The following BTBD9 variants were observed in gnomAD, a reference collection of about 807,000 sequenced individuals.
The protein encoded by BTBD9 is BTB/POZ domain-containing protein 9.
BTBD9 carries 49 observed loss-of-function variants against 64.3 expected under a neutral mutation model. The ratio of observed to expected loss-of-function variants is 0.76; its 90% CI spans 0.61 to 0.97. BTBD9 has a LOEUF of 0.97. Ranked by LOEUF, BTBD9 falls within the 50% of genes least tolerant of loss-of-function variation. The pLI is 0.00. For missense variants in BTBD9, 598 were observed against 762.1 expected (o/e 0.78, Z 2.53); for synonymous variants, 260 against 274.7 (o/e 0.95, Z 0.53).
At chr6:38,599,818 A>C (rs1582699554) in intron 1 of BTBD9, among the ~76,000 whole-genome samples, 1 of 152,194 alleles carries the variant, frequency 6.6e-6, no homozygotes, top group Non-Finnish European at 1.5e-5. Context: ...CCATATGCCC[A>C]CCCTCAAAAG....
intron 9 of BTBD9, among the ~76,000 whole-genome samples, chr6:38,197,072 C>T (rs1237262622): frequency 1.3e-5 from 2 of 152,188 alleles, no homozygotes; most frequent in Admixed American, 6.5e-5. Context: ...ACATGGTAGG[C>T]GGTCTGTTAA....
At chr6:38,290,911 G>A (rs1761932840) in intron 7 of BTBD9, among the ~76,000 whole-genome samples, 1 of 152,110 alleles carries the variant, frequency 6.6e-6, no homozygotes, top group Non-Finnish European at 1.5e-5. Flanking sequence ...GTACATCTGG[G>A]TCATCTGTTT....
At chr6:38,241,727 A>G (rs895828538) in intron 9 of BTBD9, among the ~76,000 whole-genome samples, 2 of 152,198 alleles carry the variant, frequency 1.3e-5, no homozygotes, top group African/African-American at 4.8e-5. Context: ...ATTTCAAGGG[A>G]TGGTGAAAAG....
At chr6:38,293,974 G>GA (rs1232076763) in intron 7 of BTBD9, among the ~76,000 whole-genome samples, 3 of 150,980 alleles carry the variant, frequency 2.0e-5, no homozygotes, top group African/African-American at 4.9e-5. Context: ...AAATTTACAA[G>GA]AAAAAAAACA....
In BTBD9 at chr6:38,527,937, A is replaced by G. The variant is rs570172853; in HGVS notation, c.1154+49663T>C. Among the ~76,000 whole-genome samples the G allele has an allele frequency of 2.6e-5, 4 of 152,164 alleles. No homozygotes were observed. In the South Asian group the frequency reaches 8.3e-4, roughly 32 times the overall value. The stretch of plus-strand genomic sequence containing the variant: ...CCAAATTTAACAACTATCCACATAA[A>G]AAAAGCCCCTTCATAAGAATGAAGA... On this transcript the variant is annotated intron_variant, in intron 6 of 10. Transcript: ENST00000481247.
chr6:38,434,752 A>G (rs1392701340), intron 6 of BTBD9, among the ~76,000 whole-genome samples: 2 of 152,042 alleles, frequency 1.3e-5, no homozygotes, highest in African/African-American at 2.4e-5. Flanking sequence ...TCTATCATGC[A>G]GGAAATTTGT....
chr6:38,311,610 C>T (rs1762838276), intron 7 of BTBD9, among the ~76,000 whole-genome samples: 1 of 152,146 alleles, frequency 6.6e-6, no homozygotes, highest in Non-Finnish European at 1.5e-5. Context: ...AGTGGGATTG[C>T]TGTATCATAT....
intron 6 of BTBD9, among the ~76,000 whole-genome samples, chr6:38,412,165 CACAAAAGT>C (rs1411386594): frequency 6.6e-6 from 1 of 151,706 alleles, no homozygotes; most frequent in Non-Finnish European, 1.5e-5. Context: ...AAAAAAGCAA[CACAAAAGT>C]ACAAACAAAA....
chr6:38,287,143 C>CACAT (rs1761770347), intron 8 of BTBD9, among the ~76,000 whole-genome samples: 2 of 118,082 alleles, frequency 1.7e-5, no homozygotes, highest in Non-Finnish European at 3.5e-5. Context: ...CACACACACA[C>CACAT]ATATAGCAGC....
intron 9 of BTBD9, among the ~76,000 whole-genome samples, chr6:38,220,070 G>C (rs1763148971): frequency 6.6e-6 from 1 of 152,132 alleles, no homozygotes; most frequent in Non-Finnish European, 1.5e-5. Context: ...CTACCTCTTG[G>C]GCTGATGTGT....
chr6:38,365,070 T>C (rs1765133327), intron 6 of BTBD9, among the ~76,000 whole-genome samples: 1 of 152,096 alleles, frequency 6.6e-6, no homozygotes, highest in African/African-American at 2.4e-5. Context: ...ATTGAGGCAA[T>C]GTTGAATGGT....
chr6:38,587,139 C>A (rs948018109), intron 4 of BTBD9, among the ~76,000 whole-genome samples: 6 of 151,866 alleles, frequency 4.0e-5, no homozygotes. Flanking sequence ...CATGAGCCTA[C>A]AAGTGAGGTG....
chr6:38,340,598 G>T (rs1764060774), intron 7 of BTBD9, among the ~76,000 whole-genome samples: 1 of 152,166 alleles, frequency 6.6e-6, no homozygotes, highest in African/African-American at 2.4e-5. Context: ...ACCCTTGAAG[G>T]ATGCTAGGGA....
At chr6:38,374,450 A>G (rs1184217474) in intron 6 of BTBD9, among the ~76,000 whole-genome samples, 1 of 150,516 alleles carries the variant, frequency 6.6e-6, no homozygotes, top group Non-Finnish European at 1.5e-5. Context: ...TTATTTTTAA[A>G]TCAAATATTT....
intron 8 of BTBD9, among the ~76,000 whole-genome samples, chr6:38,258,514 A>AT (rs1411987458): frequency 6.6e-6 from 1 of 152,082 alleles, no homozygotes; most frequent in Non-Finnish European, 1.5e-5. Context: ...CGTCTTACTG[A>AT]TTTTTTCTAT....
rs565447761 is a variant in BTBD9, at chr6:38,353,951, G to A, written c.1155-8858C>T. On this transcript the variant is annotated intron_variant, in intron 6 of 10. Coordinates refer to ENST00000481247, the MANE Select transcript of BTBD9 (RefSeq NM_001099272.2). The stretch of plus-strand genomic sequence containing the variant: ...CCTAAGACTAGGGTGGGCATATGCC[G>A]TTAATTGTAACTTAAAAGTTTAAGG... Among the ~76,000 whole-genome samples the A allele has an allele frequency of 1.4e-4, 22 of 152,256 alleles. 1 individual carries two copies. Among genetic ancestry groups the A allele is most frequent in the Non-Finnish European group, 2.2e-4 (15 of 67,992 alleles).
chr6:38,356,667 T>TTG (rs1332560044), intron 6 of BTBD9, among the ~76,000 whole-genome samples: 4 of 152,192 alleles, frequency 2.6e-5, no homozygotes, highest in African/African-American at 9.6e-5. Flanking sequence ...ACATGTCTGG[T>TTG]TGTCAGGAGG....
intron 7 of BTBD9, among the ~76,000 whole-genome samples, chr6:38,322,233 T>C (rs1202842025): frequency 6.6e-6 from 1 of 152,096 alleles, no homozygotes; most frequent in African/African-American, 2.4e-5. Flanking sequence ...CTTGGTCCTC[T>C]TCCTGGGGAG....
At chr6:38,265,369 T>G (rs1048521588) in intron 8 of BTBD9, among the ~76,000 whole-genome samples, 6 of 152,080 alleles carry the variant, frequency 3.9e-5, no homozygotes, top group African/African-American at 1.4e-4. Flanking sequence ...CCATGAGAAA[T>G]ATAGTATAAT....
Sources: allele counts gnomAD v4.1 joint callset (sites outside exome capture counted in the v4.1 genomes callset), GRCh38; gene constraint gnomAD v4.1.1; transcripts MANE v1.5; gene names NCBI Gene and HGNC (gene_info 2026-07-23, HGNC 2026-07-21).